ZNF383: variants seen among roughly 807,000 people sequenced by gnomAD.
ZNF383 encodes the protein zinc finger protein 383.
Under a neutral mutation model 44.2 loss-of-function variants are expected in ZNF383, and 32 were observed. That is an observed-to-expected ratio of 0.72 (90% confidence interval 0.55 to 0.97). The LOEUF is 0.97. Ranked by LOEUF, ZNF383 falls within the 50% of genes least tolerant of loss-of-function variation. The pLI, the probability that ZNF383 is intolerant of heterozygous loss-of-function variation, is 0.00. For synonymous variants in ZNF383, 155 were observed against 186.2 expected, an observed-to-expected ratio of 0.83 and a Z score of 1.36; for missense variants, 487 against 562.5, an observed-to-expected ratio of 0.87 and a Z score of 1.36.
chr19:37,242,615 C>A lies in ZNF383; in HGVS notation c.379C>A (p.Leu127Ile), dbSNP rs754005024. 26 of 1,613,892 alleles carry A rather than the reference C, an allele frequency of 1.6e-5. No individual in the cohort carries two copies. In the Admixed American group the frequency reaches 3.8e-4, roughly 24 times the overall value. ...AGATGTTTTGGAATATAGAAGCCACCTTGCAAAACAACTGGGATATCCAAA... is the reference window on the plus strand; with the variant it reads ...AGATGTTTTGGAATATAGAAGCCACATTGCAAAACAACTGGGATATCCAAA... ...FGDVLEYRSH[L>I]AKQLGYPNGH... The change falls in exon 6 of 6, where the codon CTT (leucine) becomes ATT (isoleucine). Residue 127 changes from leucine (L) to isoleucine (I), a missense_variant. By Grantham distance (5) the Leu-to-Ile change is conservative. Transcript: ENST00000684119.
chr19:37,221,399 TG>T (rs1972910923), intron 1 of ZNF383, among the ~76,000 whole-genome samples: 1 of 149,462 alleles, frequency 6.7e-6, no homozygotes, highest in Non-Finnish European at 1.5e-5. Flanking sequence ...CTGGGCAAGA[TG>T]GTGAAACCCC....
At chr19:37,235,925 T>C in intron 4 of ZNF383, 54 bp from the exon 5 acceptor site, 1 of 1,471,148 alleles carries the variant, frequency 6.8e-7, no homozygotes, top group Non-Finnish European at 9.3e-7. Context: ...ATCAAGGGAC[T>C]GGATCTCCTT....
At chr19:37,241,798 C>G (rs1974094602) in intron 5 of ZNF383, among the ~76,000 whole-genome samples, 1 of 151,752 alleles carries the variant, frequency 6.6e-6, no homozygotes. Context: ...ACCTCAGAGC[C>G]AAAGAATCTT....
intron 1 of ZNF383, among the ~76,000 whole-genome samples, chr19:37,222,472 G>A (rs1400464794): frequency 6.6e-6 from 1 of 152,084 alleles, no homozygotes; most frequent in Admixed American, 6.6e-5. Flanking sequence ...CACCTCCTGG[G>A]TTCAAGCGAT....
chr19:37,220,499 G>A (rs1006406657), intron 1 of ZNF383, among the ~76,000 whole-genome samples: 4 of 151,616 alleles, frequency 2.6e-5, no homozygotes, highest in African/African-American at 9.7e-5. Context: ...CCTGACCTCA[G>A]GTGAGGCCTC....
chr19:37,227,441 T>G (rs1024602701), intron 2 of ZNF383: 6 of 152,352 alleles, frequency 3.9e-5, no homozygotes, highest in African/African-American at 1.4e-4. Context: ...TTAAAAAACT[T>G]AAATCTCCCT....
intron 1 of ZNF383, among the ~76,000 whole-genome samples, chr19:37,221,577 G>C (rs1298406511): frequency 6.6e-6 from 1 of 151,988 alleles, no homozygotes; most frequent in African/African-American, 2.4e-5. Flanking sequence ...GCAAGACCCT[G>C]TCTCAAATAT....
chr19:37,243,246 C>T lies in ZNF383; in HGVS notation c.1010C>T (p.Pro337Leu). ...CAGAGAATTCATACTGGTGAGAAAC[C>T]CTATGAGTGCAAGGAATGTGGCAAA... Reference protein sequence around the residue: ...QHQRIHTGEKPYECKECGKAF... With the variant: ...QHQRIHTGEKLYECKECGKAF... The change falls in exon 6 of 6, where the codon CCC becomes CTC. Residue 337 changes from proline (P) to leucine (L), a missense_variant. Coordinates refer to ENST00000684119, the MANE Select transcript of ZNF383 (RefSeq NM_001387601.1). 1 of 1,614,040 alleles carries T rather than the reference C, an allele frequency of 6.2e-7. No individual in the cohort carries two copies. The highest frequency in any genetic ancestry group is 8.5e-7 in the Non-Finnish European group (1 of 1,179,948).
chr19:37,243,199 G>A lies in ZNF383; in HGVS notation c.963G>A (p.Gln321=). Residue 321 remains glutamine (Q), a synonymous_variant, in exon 6 of 6, where the codon CAG becomes CAA. Coordinates refer to ENST00000684119, the MANE Select transcript of ZNF383 (RefSeq NM_001387601.1). The part of the protein sequence containing the change: ...ECKECGKAFT[Q]SSKLVQHQRI... ...AGGAATGTGGCAAAGCCTTTACCCAGAGCTCAAAGCTTGTTCAACATCAGA... is the reference window on the plus strand; with the variant it reads ...AGGAATGTGGCAAAGCCTTTACCCAAAGCTCAAAGCTTGTTCAACATCAGA... 1 of 1,614,082 alleles carries A rather than the reference G, an allele frequency of 6.2e-7. No individual in the cohort carries two copies. The highest frequency in any genetic ancestry group is 8.5e-7 in the Non-Finnish European group (1 of 1,180,016).
At position 37,244,816 on chromosome 19, in the gene ZNF383, ACT is replaced by A. The variant is rs1056335984; in HGVS notation, c.*1153_*1154del. 3 of 152,224 alleles carry A rather than the reference ACT, an allele frequency of 2.0e-5. No individual in the cohort carries two copies. Among genetic ancestry groups the A allele is most frequent in the African/African-American group, 7.2e-5 (3 of 41,454 alleles). The allele number at this position is 152,224 out of a possible 1,614,324, so 9.4% of individuals were successfully genotyped here. ...AATTTGGTAGAGAAAATCGTGCTATACTTTGCTTTTTTAAGAAAGTGTAATTA... is the reference window on the plus strand; with the variant it reads ...AATTTGGTAGAGAAAATCGTGCTATATTGCTTTTTTAAGAAAGTGTAATTA... On this transcript the variant is annotated 3_prime_UTR_variant, in exon 6 of 6. Transcript: ENST00000684119.
Position 37,220,560 on chromosome 19 carries a change from T to G in ZNF383, c.-168+2286T>G, listed in dbSNP as rs926692353. 9.4e-5 allele frequency among the ~76,000 whole-genome samples: 11 copies of G among 117,270 alleles called. No individual in the cohort carries two copies. In the South Asian group the frequency reaches 1.6e-3, roughly 17 times the overall value. The allele number at this position is 117,270 out of a possible 152,430, so 76.9% of individuals were successfully genotyped here. A position where few individuals can be genotyped will look rare whatever the true frequency, so the allele number is the denominator to read the frequency against. The stretch of plus-strand genomic sequence containing the variant: ...AGCCACTGCTCCTGGCCTATATTTG[T>G]TTTTTTTTTTGTTGTTGTTTAATCC... On this transcript the variant is annotated intron_variant, in intron 1 of 5. Transcript: ENST00000684119.
At chr19:37,239,466 C>G (rs1442609139) in intron 5 of ZNF383, among the ~76,000 whole-genome samples, 1 of 152,074 alleles carries the variant, frequency 6.6e-6, no homozygotes, top group East Asian at 1.9e-4. Context: ...TAATGTTTTA[C>G]TAGAGAAGAA....
intron 1 of ZNF383, among the ~76,000 whole-genome samples, chr19:37,223,619 AAATT>A (rs1973026326): frequency 6.6e-6 from 1 of 152,222 alleles, no homozygotes; most frequent in African/African-American, 2.4e-5. Flanking sequence ...CTCAAAGAAT[AAATT>A]GTGATAGATA....
At chr19:37,223,229 T>G (rs930722077) in intron 1 of ZNF383, among the ~76,000 whole-genome samples, 2 of 152,188 alleles carry the variant, frequency 1.3e-5, no homozygotes, top group Non-Finnish European at 2.9e-5. Context: ...TATAGAACAG[T>G]GTACCTTACA....
intron 2 of ZNF383, chr19:37,227,644 A>G (rs1181702154): frequency 6.5e-6 from 1 of 152,688 alleles, no homozygotes; most frequent in Non-Finnish European, 1.5e-5. Flanking sequence ...TCACCAAGAC[A>G]CAGAGACCGG....
intron 1 of ZNF383, among the ~76,000 whole-genome samples, chr19:37,220,916 C>G (rs1158129011): frequency 6.6e-6 from 1 of 152,116 alleles, no homozygotes; most frequent in Non-Finnish European, 1.5e-5. Flanking sequence ...TGTTTTGAGT[C>G]TTGCCTTTCT....
At position 37,246,250 on chromosome 19, in the gene ZNF383, T is replaced by TA. The variant is rs1974371377; in HGVS notation, c.*2587dup. The TA allele has an allele frequency of 6.6e-6, 1 of 152,218 alleles. No individual in the cohort carries two copies. The highest frequency in any genetic ancestry group is 6.5e-5 in the Admixed American group (1 of 15,278). The allele number at this position is 152,218 out of a possible 1,614,324, so 9.4% of individuals were successfully genotyped here. ...AAAAGTTTTCCACTATTATCAGTGA[T>TA]ATACTCATTATCATAAGTATCTTCA... is the stretch of plus-strand genomic sequence containing the variant. On this transcript the variant is annotated 3_prime_UTR_variant, in exon 6 of 6. Transcript: ENST00000684119.
rs1223664720 is a variant in ZNF383 at position 37,247,579 on chromosome 19, C to T, written c.*3915C>T. ...GTGGCTCATGCCTGTAATTCCAGCA[C>T]TTTGGGAGGCTGAGGTAGGAGAATG... On this transcript the variant is annotated 3_prime_UTR_variant, in exon 6 of 6. Coordinates refer to ENST00000684119, the MANE Select transcript of ZNF383 (RefSeq NM_001387601.1). 1 of 151,174 alleles carries T rather than the reference C, an allele frequency of 6.6e-6. No individual in the cohort carries two copies. The highest frequency in any genetic ancestry group is 1.5e-5 in the Non-Finnish European group (1 of 67,884). 9.4% of individuals were successfully genotyped at this position (151,174 alleles called of 1,614,324 possible). A position where few individuals can be genotyped will look rare whatever the true frequency, so the allele number is the denominator to read the frequency against.
At chr19:37,220,235 T>A (rs1972852851) in intron 1 of ZNF383, among the ~76,000 whole-genome samples, 1 of 151,746 alleles carries the variant, frequency 6.6e-6, no homozygotes, top group Admixed American at 6.6e-5. Context: ...TTTTCTTTTC[T>A]TTTTTTTTCT....
Sources: gnomAD v4.1 joint callset for allele counts (sites outside exome capture counted in the v4.1 genomes callset) on GRCh38, gnomAD v4.1.1 for gene constraint, MANE v1.5 for transcripts, NCBI Gene and HGNC (gene_info 2026-07-23, HGNC 2026-07-21) for gene names.